Variants in LPCAT3 observed in about 807,000 individuals in gnomAD.
LPCAT3 encodes lysophosphatidylcholine acyltransferase 3, also known as lysophospholipid acyltransferase 5.
LPCAT3 carries 21 observed loss-of-function variants against 63.4 expected under a neutral mutation model. The ratio of observed to expected loss-of-function variants is 0.33; its 90% CI spans 0.23 to 0.48. The LOEUF is 0.48. Ranked by LOEUF, LPCAT3 falls within the 20% of genes least tolerant of loss-of-function variation. The pLI, the probability that LPCAT3 is intolerant of heterozygous loss-of-function variation, is 0.99. For synonymous variants in LPCAT3, 242 were observed against 227.5 expected, an observed-to-expected ratio of 1.06 and a Z score of -0.58; for missense variants, 451 against 590.6, an observed-to-expected ratio of 0.76 and a Z score of 2.45.
chr12:6,990,366 G>A (rs1272870802), intron 1 of LPCAT3, among the ~76,000 whole-genome samples: 4 of 150,612 alleles, frequency 2.7e-5, no homozygotes, highest in South Asian at 2.1e-4. Flanking sequence ...AAAATTAGCC[G>A]GGTGTGGTGG....
Position 6,977,660 on chromosome 12 carries a change from G to A in LPCAT3, c.1126C>T (p.Leu376=), listed in dbSNP as rs1555153482. The A allele has an allele frequency of 6.2e-7, 1 of 1,614,244 alleles. No individual in the cohort carries two copies. Among genetic ancestry groups the A allele is most frequent in the South Asian group, 1.1e-5 (1 of 91,080 alleles). ...SLLFLALWHG[L]HSGYLVCFQM... ...AAGCAGACCAGGTATCCTGAGTGCAGGCCGTGCCAGAGGGCCAGGAATAGC... is the reference window on the plus strand; with the variant it reads ...AAGCAGACCAGGTATCCTGAGTGCAAGCCGTGCCAGAGGGCCAGGAATAGC... The change falls in exon 10 of 13, where the codon CTG becomes TTG. Residue 376 remains leucine (L), a synonymous_variant. Transcript: ENST00000261407. This position sits in a 1 kb window ranked among gnomAD's most constrained non-coding sequence, Gnocchi z 4.5.
At chr12:7,004,704 C>T (rs1555156761) in intron 1 of LPCAT3, among the ~76,000 whole-genome samples, 1 of 152,098 alleles carries the variant, frequency 6.6e-6, no homozygotes, top group African/African-American at 2.4e-5. Flanking sequence ...TTTATAGAAC[C>T]TTCTACCTCT....
chr12:6,978,414 G>T lies in LPCAT3; in HGVS notation c.967C>A (p.Leu323Ile). 1 of 1,614,054 alleles carries T rather than the reference G, an allele frequency of 6.2e-7. No homozygotes were observed. The highest frequency in any genetic ancestry group is 8.5e-7 in the Non-Finnish European group (1 of 1,180,008). The change falls in exon 9 of 13, where the codon CTC (leucine) becomes ATC (isoleucine). Residue 323 changes from leucine (L) to isoleucine (I), a missense_variant. By Grantham distance (5) the Leu-to-Ile change is conservative (BLOSUM62 2). Transcript: ENST00000261407. Reference protein sequence around the residue: ...WDACANMKVWLFETNPRFTGT... With the variant: ...WDACANMKVWIFETNPRFTGT... ...GTGAAGCGGGGGTTTGTTTCAAAGA[G>T]CCACACCTTCATGTTGGCACAGGCA... is the stretch of plus-strand genomic sequence containing the variant.
chr12:6,984,947 T>G (rs745687350), intron 1 of LPCAT3, among the ~76,000 whole-genome samples: 8 of 152,226 alleles, frequency 5.3e-5, no homozygotes, highest in Non-Finnish European at 1.2e-4. Context: ...CAATACAGTT[T>G]ACTGTGAGTT....
chr12:6,997,347 G>C (rs1946645363), intron 1 of LPCAT3: 1 of 152,092 alleles, frequency 6.6e-6, no homozygotes, highest in Non-Finnish European at 1.4e-5. Flanking sequence ...CTATAGGTAT[G>C]TGCCGCCATG....
chr12:6,994,317 C>T (rs1946616794), intron 1 of LPCAT3, among the ~76,000 whole-genome samples: 1 of 152,118 alleles, frequency 6.6e-6, no homozygotes, highest in Non-Finnish European at 1.5e-5. Context: ...AAGTGATTCT[C>T]CTGTCTCAGC....
At chr12:6,993,065 T>G (rs1946604214) in intron 1 of LPCAT3, among the ~76,000 whole-genome samples, 1 of 152,206 alleles carries the variant, frequency 6.6e-6, no homozygotes, top group Non-Finnish European at 1.5e-5. Flanking sequence ...ATACACAGTT[T>G]CCTGGATTTT....
Position 6,985,859 on chromosome 12 carries a change from C to T in LPCAT3, c.152-2320G>A, listed in dbSNP as rs1378532658. Among the ~76,000 whole-genome samples the T allele has an allele frequency of 4.6e-5, 7 of 150,824 alleles. 1 individual carries two copies. Among genetic ancestry groups the T allele is most frequent in the African/African-American group, 1.5e-4 (6 of 41,052 alleles). On this transcript the variant is annotated intron_variant, in intron 1 of 12. Coordinates refer to ENST00000261407, the MANE Select transcript of LPCAT3 (RefSeq NM_005768.6). The stretch of plus-strand genomic sequence containing the variant: ...CGATCTTGGCAGCTCACTGCAACCT[C>T]CGGCCCCTAGGTTCAAGCGATTCTC...
chr12:6,981,223 A>C (rs1946468387), intron 5 of LPCAT3, 41 bp from the exon 6 acceptor site: 2 of 1,528,564 alleles, frequency 1.3e-6, no homozygotes, highest in East Asian at 2.3e-5. Flanking sequence ...ATAGCCTTGA[A>C]TCTCCCCACA....
At chr12:6,984,324 G>C (rs1475614399) in intron 1 of LPCAT3, among the ~76,000 whole-genome samples, 1 of 152,144 alleles carries the variant, frequency 6.6e-6, no homozygotes, top group Non-Finnish European at 1.5e-5. Flanking sequence ...CATGGCCAAG[G>C]GTTGCTTATT....
In LPCAT3 at chr12:7,018,269, C is replaced by A; in HGVS notation, c.151+5G>T. 6.3e-7 allele frequency: 1 copy of A among 1,596,770 alleles called. No homozygotes were observed. Among genetic ancestry groups the A allele is most frequent in the Non-Finnish European group, 8.5e-7 (1 of 1,172,078 alleles). On this transcript the variant is annotated splice_donor_5th_base_variant and intron_variant, in intron 1 of 12. Coordinates refer to ENST00000261407, the MANE Select transcript of LPCAT3 (RefSeq NM_005768.6). The surrounding 1 kb of genome is among the most constrained non-coding windows in gnomAD (Gnocchi z 4.9). ...AGGGGCGGAGGGAGGCAGGAGGGTCCTTACCCAGGAAGATGGAGATGATCA... is the reference window on the plus strand; with the variant it reads ...AGGGGCGGAGGGAGGCAGGAGGGTCATTACCCAGGAAGATGGAGATGATCA...
chr12:7,004,883 C>T (rs1946715728), intron 1 of LPCAT3, among the ~76,000 whole-genome samples: 2 of 152,196 alleles, frequency 1.3e-5, no homozygotes, highest in African/African-American at 4.8e-5. Context: ...TCCAGTCTTA[C>T]TGTTTATTCT....
chr12:6,976,972 C>T, intron 12 of LPCAT3, 81 bp from the exon 13 acceptor site: 2 of 603,536 alleles, frequency 3.3e-6, no homozygotes, highest in Non-Finnish European at 3.0e-6. Context: ...TGTTTCCTAG[C>T]ATGCCTCAAT....
At chr12:7,007,090 G>A (rs189996946) in intron 1 of LPCAT3, among the ~76,000 whole-genome samples, 38 of 152,070 alleles carry the variant, frequency 2.5e-4, no homozygotes, top group African/African-American at 9.2e-4. Flanking sequence ...TGTTGCCCAG[G>A]TGGAGTGCAA....
chr12:6,983,975 T>A (rs1946498204), intron 1 of LPCAT3, among the ~76,000 whole-genome samples: 1 of 152,146 alleles, frequency 6.6e-6, no homozygotes, highest in African/African-American at 2.4e-5. Flanking sequence ...AAACCCCGTC[T>A]CTATTAAAAA....
At chr12:6,979,601 TC>T (rs1946448400) in intron 6 of LPCAT3, 22 bp from the exon 7 acceptor site, 3 of 1,526,618 alleles carry the variant, frequency 2.0e-6, no homozygotes, top group Admixed American at 3.3e-5. Context: ...CGAGTGAAGT[TC>T]CTGGTCACAG....
intron 6 of LPCAT3, chr12:6,979,883 C>T (rs1403692609): frequency 2.4e-5 from 8 of 328,208 alleles, no homozygotes; most frequent in Non-Finnish European, 3.4e-5. Context: ...CTCACAATCT[C>T]CATTGGGACT....
intron 1 of LPCAT3, among the ~76,000 whole-genome samples, chr12:7,014,237 T>C (rs1946783259): frequency 6.6e-6 from 1 of 152,218 alleles, no homozygotes; most frequent in South Asian, 2.1e-4. Context: ...TACCTTTGAG[T>C]GCAGGGCTCC....
In LPCAT3 at chr12:6,989,867, GT is replaced by G. The variant is rs76175052; in HGVS notation, c.152-6329del. Among the ~76,000 whole-genome samples, 6 of 152,226 alleles carry G rather than the reference GT, an allele frequency of 3.9e-5. No individual in the cohort carries two copies. In the East Asian group the frequency reaches 1.2e-3, roughly 29 times the overall value. ...TCATCTGAAGAAACAGAAATGGACT[GT>G]TTCCATTAAGTCTGGTAAATTTGGC... On this transcript the variant is annotated intron_variant, in intron 1 of 12. Coordinates refer to ENST00000261407, the MANE Select transcript of LPCAT3 (RefSeq NM_005768.6).
Sources: gnomAD v4.1 joint callset for allele counts (sites outside exome capture counted in the v4.1 genomes callset) on GRCh38, gnomAD v4.1.1 for gene constraint, Gnocchi (gnomAD v3.1) non-coding constraint, MANE v1.5 for transcripts, NCBI Gene and HGNC (gene_info 2026-07-23, HGNC 2026-07-21) for gene names.